Variants in PCDH1 observed in about 807,000 individuals in gnomAD.
PCDH1 encodes the protein protocadherin-1.
In PCDH1, 23 loss-of-function variants were observed where a neutral mutation model predicts 74.6. The ratio of observed to expected loss-of-function variants is 0.31; its 90% CI spans 0.22 to 0.44. The LOEUF is 0.44. Among genes scored for constraint, PCDH1 ranks in the 20% least tolerant of loss-of-function variants. The probability of loss-of-function intolerance (pLI) is 1.00; values close to 1 mark genes in which losing one functional copy is unlikely to be tolerated. For synonymous variants in PCDH1, 647 were observed against 686.1 expected (o/e 0.94, Z 0.89); for missense variants, 1,214 against 1,641.4 (o/e 0.74, Z 4.50).
chr5:141,865,218 G>A lies in PCDH1; in HGVS notation c.1113C>T (p.Ala371=). The A allele has an allele frequency of 6.2e-7, 1 of 1,614,158 alleles. No individual in the cohort carries two copies. Among genetic ancestry groups the A allele is most frequent in the Non-Finnish European group, 8.5e-7 (1 of 1,180,040 alleles). Residue 371 remains alanine (A), a synonymous_variant, in exon 3 of 5, where the codon GCC becomes GCT. Coordinates refer to ENST00000287008, the MANE Select transcript of PCDH1 (RefSeq NM_032420.5). The surrounding 1 kb of genome is among the most constrained non-coding windows in gnomAD (Gnocchi z 4.4). ...DRGTNPKSAR[A]QVVVTVKDMN... ...TGTCCTTCACGGTCACAACCACCTG[G>A]GCACGGGCACTCTTGGGGTTGGTGC...
chr5:141,861,015 T>C (rs184841878), intron 3 of PCDH1, among the ~76,000 whole-genome samples: 168 of 147,612 alleles, frequency 1.1e-3, no homozygotes, highest in African/African-American at 4.1e-3. Context: ...CTCAGGAGGC[T>C]GAGGCAGGAG....
chr5:141,876,137 T>C (rs1336928599), intron 1 of PCDH1, among the ~76,000 whole-genome samples: 1 of 151,956 alleles, frequency 6.6e-6, no homozygotes, highest in Non-Finnish European at 1.5e-5. Flanking sequence ...GTTGCGGAGA[T>C]TAGGGGGTGG....
intron 1 of PCDH1, among the ~76,000 whole-genome samples, chr5:141,873,230 A>G (rs1753137968): frequency 6.6e-6 from 1 of 151,740 alleles, no homozygotes; most frequent in Non-Finnish European, 1.5e-5. Flanking sequence ...GGTTCAAGCA[A>G]TTCCCCTGCC....
chr5:141,861,672 G>C (rs866129314), intron 3 of PCDH1, among the ~76,000 whole-genome samples: 3 of 152,160 alleles, frequency 2.0e-5, no homozygotes, highest in Non-Finnish European at 4.4e-5. Context: ...GATGGAATCA[G>C]AGGAGAGAGC....
At position 141,866,302 on chromosome 5, in the gene PCDH1, C is replaced by A. The variant is rs1004378560; in HGVS notation, c.904-875G>T. On this transcript the variant is annotated intron_variant, in intron 2 of 4. Transcript: ENST00000287008. ...GGAGGGGTTGATGCAGGCCACAGAG[C>A]CTGCTGGCAGTGGGCTGGGCTCCCA... The A allele has an allele frequency of 1.1e-5, 10 of 913,902 alleles. No individual in the cohort carries two copies. In the East Asian group the frequency reaches 1.1e-3, roughly 97 times the overall value. The allele number at this position is 913,902 out of a possible 1,614,324, so 56.6% of individuals were successfully genotyped here. A position where few individuals can be genotyped will look rare whatever the true frequency, so the allele number is the denominator to read the frequency against.
Position 141,863,241 on chromosome 5 carries a change from G to A in PCDH1, c.3090C>T (p.Pro1030=). 6.3e-7 allele frequency: 1 copy of A among 1,589,626 alleles called. No homozygotes were observed. The highest frequency in any genetic ancestry group is 8.6e-7 in the Non-Finnish European group (1 of 1,167,924). The change falls in exon 3 of 5, where the codon CCC becomes CCT. Residue 1030 remains proline, a synonymous_variant. Transcript: ENST00000287008. This position sits in a 1 kb window ranked among gnomAD's most constrained non-coding sequence, Gnocchi z 7.5. ...GAAAGGGCTGGCCTACCTGCTTGCT[G>A]GGGTATTTGGGGGGGTTGGTGCGGT... The part of the protein sequence containing the change: ...YSYRTNPPKY[P]SKQLPHRRVT...
chr5:141,870,773 C>G (rs1437186272), intron 1 of PCDH1, among the ~76,000 whole-genome samples: 2 of 152,184 alleles, frequency 1.3e-5, no homozygotes, highest in African/African-American at 4.8e-5. Context: ...AATGCCCCCT[C>G]CTCTCCAACA....
chr5:141,874,894 C>T (rs1002967676), intron 1 of PCDH1, among the ~76,000 whole-genome samples: 7 of 152,102 alleles, frequency 4.6e-5, no homozygotes, highest in Non-Finnish European at 1.0e-4. Context: ...AGAAGCCTCC[C>T]ACAGAGAGCA....
chr5:141,869,129 T>C lies in PCDH1; in HGVS notation c.343A>G (p.Ile115Val), dbSNP rs1219442685. Residue 115 changes from isoleucine to valine, a missense_variant, in exon 2 of 5, where the codon ATC (isoleucine) becomes GTC (valine). This residue lies in a region of PCDH1 where 97 missense variants were observed against 173.2 expected (regional missense o/e 0.56). Coordinates refer to ENST00000287008, the MANE Select transcript of PCDH1 (RefSeq NM_032420.5). This position sits in a 1 kb window ranked among gnomAD's most constrained non-coding sequence, Gnocchi z 4.9. ...CATTCACGGAGCCCCTCACGGTCGA[T>C]GGAGGTCTCGGTGGTGAAAATGTCA... ...TGDIFTTETS[I>V]DREGLRECQN... is the part of the protein sequence containing the mutation. The C allele has an allele frequency of 6.8e-6, 11 of 1,613,914 alleles. No homozygotes were observed. The highest frequency in any genetic ancestry group is 3.3e-5 in the Admixed American group (2 of 59,980).
At chr5:141,870,106 C>A (rs1391717424) in intron 1 of PCDH1, among the ~76,000 whole-genome samples, 1 of 152,202 alleles carries the variant, frequency 6.6e-6, no homozygotes, top group African/African-American at 2.4e-5. Flanking sequence ...CTGACAATCA[C>A]CCACGGTGCC....
At position 141,864,365 on chromosome 5, in the gene PCDH1, C is replaced by T. The variant is rs749177426; in HGVS notation, c.1966G>A (p.Gly656Ser). Reference protein sequence around the residue: ...QVQLSVEQDNGDFVIQNGTGT... With the variant: ...QVQLSVEQDNSDFVIQNGTGT... ...GTGCCATTCTGGATAACAAAGTCAC[C>T]GTTGTCCTGCTCCACTGAGAGCTGC... Residue 656 changes from glycine to serine, a missense_variant, in exon 3 of 5, where the codon GGT (glycine) becomes AGT (serine). By Grantham distance (56) the Gly-to-Ser change is moderately conservative. Around this residue, in one of 4 missense-constraint regions of PCDH1, gnomAD observed 836 missense variants for 1,182.2 expected, o/e 0.71. Transcript: ENST00000287008. This position sits in a 1 kb window ranked among gnomAD's most constrained non-coding sequence, Gnocchi z 5.9. 27 of 1,613,934 alleles carry T rather than the reference C, an allele frequency of 1.7e-5. No individual in the cohort carries two copies. Among genetic ancestry groups the T allele is most frequent in the Admixed American group, 6.7e-5 (4 of 59,998 alleles).
intron 2 of PCDH1, chr5:141,866,143 G>A: frequency 1.0e-6 from 1 of 985,480 alleles, no homozygotes; most frequent in Non-Finnish European, 1.2e-6. Context: ...GGTCAGAGAA[G>A]CCCTCCAGGC....
chr5:141,869,530 C>A lies in PCDH1; in HGVS notation c.41-99G>T. The A allele has an allele frequency of 6.5e-7, 1 of 1,545,766 alleles. No homozygotes were observed. The highest frequency in any genetic ancestry group is 8.7e-7 in the Non-Finnish European group (1 of 1,152,054). On this transcript the variant is annotated intron_variant, in intron 1 of 4. Coordinates refer to ENST00000287008, the MANE Select transcript of PCDH1 (RefSeq NM_032420.5). This position sits in a 1 kb window ranked among gnomAD's most constrained non-coding sequence, Gnocchi z 4.9. ...CCCCATACTCACCCTCTCCCACTGA[C>A]ACACGATTCTCCACAAGAGCAGTCA...
rs376177136 is a variant in PCDH1 at position 141,863,984 on chromosome 5, G to A, written c.2347C>T (p.Arg783Cys). Residue 783 changes from arginine (R) to cysteine (C), a missense_variant, in exon 3 of 5, where the codon CGC becomes TGC. Arg to Cys is a radical substitution (Grantham distance 180, BLOSUM62 -3). Around this residue, in one of 4 missense-constraint regions of PCDH1, gnomAD observed 836 missense variants for 1,182.2 expected, o/e 0.71. Transcript: ENST00000287008. The surrounding 1 kb of genome is among the most constrained non-coding windows in gnomAD (Gnocchi z 7.5). ...AITLEKEIER[R>C]HHGLHRLVVK... is the part of the protein sequence containing the mutation. The stretch of plus-strand genomic sequence containing the variant: ...ACCAGGCGGTGTAGCCCATGGTGGC[G>A]CCGCTCAATCTCCTTCTCCAGGGTG... The A allele has an allele frequency of 1.1e-5, 18 of 1,613,798 alleles. No individual in the cohort carries two copies. Among genetic ancestry groups the A allele is most frequent in the Middle Eastern group, 3.3e-4 (2 of 6,084 alleles).
chr5:141,877,556 C>A (rs1753272234), intron 1 of PCDH1, among the ~76,000 whole-genome samples: 1 of 152,074 alleles, frequency 6.6e-6, no homozygotes, highest in African/African-American at 2.4e-5. Context: ...GTGTCCACGT[C>A]GCGGGGTGTC....
chr5:141,868,186 T>C lies in PCDH1; in HGVS notation c.903+383A>G, dbSNP rs940673762. On this transcript the variant is annotated intron_variant, in intron 2 of 4. Coordinates refer to ENST00000287008, the MANE Select transcript of PCDH1 (RefSeq NM_032420.5). The surrounding 1 kb of genome is among the most constrained non-coding windows in gnomAD (Gnocchi z 4.8). Reference sequence around the variant, plus strand: ...AAACTATCCCTGGTTGGGAAGATACTCTCATCTCAGGAGAGATTCTACCTG... The same window carrying C: ...AAACTATCCCTGGTTGGGAAGATACCCTCATCTCAGGAGAGATTCTACCTG... Among the ~76,000 whole-genome samples the C allele has an allele frequency of 2.0e-5, 3 of 152,210 alleles. No individual in the cohort carries two copies. The highest frequency in any genetic ancestry group is 4.4e-5 in the Non-Finnish European group (3 of 68,038).
chr5:141,870,400 T>A (rs1318356147), intron 1 of PCDH1, among the ~76,000 whole-genome samples: 1 of 152,180 alleles, frequency 6.6e-6, no homozygotes, highest in Non-Finnish European at 1.5e-5. Context: ...GGGTCAGAAC[T>A]GTGGTCAGGG....
At chr5:141,877,308 G>GT (rs1219141187) in intron 1 of PCDH1, among the ~76,000 whole-genome samples, 7 of 152,226 alleles carry the variant, frequency 4.6e-5, no homozygotes, top group Non-Finnish European at 8.8e-5. Context: ...CAATTCCTGT[G>GT]TTAGAGTGTG....
At chr5:141,872,237 G>A (rs552217442) in intron 1 of PCDH1, among the ~76,000 whole-genome samples, 1 of 146,206 alleles carries the variant, frequency 6.8e-6, no homozygotes, top group South Asian at 2.1e-4. Flanking sequence ...ATTTTCTTAT[G>A]GGACTGTATC....
Sources: allele counts gnomAD v4.1 joint callset (sites outside exome capture counted in the v4.1 genomes callset), GRCh38; gene constraint gnomAD v4.1.1; regional missense constraint gnomAD v4.1.1; non-coding constraint Gnocchi (gnomAD v3.1); transcripts MANE v1.5; gene names NCBI Gene and HGNC (gene_info 2026-07-23, HGNC 2026-07-21).